Variants in ZNF521 observed in about 807,000 individuals in gnomAD.
ZNF521 encodes the protein zinc finger protein 521.
ZNF521 carries 14 observed loss-of-function variants against 105.5 expected under a neutral mutation model. The ratio of observed to expected loss-of-function variants is 0.13; its 90% CI spans 0.09 to 0.21. ZNF521 has a LOEUF of 0.21. Among genes scored for constraint, ZNF521 ranks in the 10% least tolerant of loss-of-function variants. ZNF521 has a pLI of 1.00. For synonymous variants in ZNF521, 635 were observed against 606.0 expected (o/e 1.05, Z -0.70); for missense variants, 1,233 against 1,629.7 (o/e 0.76, Z 4.19).
rs1348806657 is a variant in ZNF521, at chr18:25,225,502, T to A, written c.2416A>T (p.Ser806Cys). 1 of 1,614,254 alleles carries A rather than the reference T, an allele frequency of 6.2e-7. No individual in the cohort carries two copies. Among genetic ancestry groups the A allele is most frequent in the East Asian group, 2.2e-5 (1 of 44,882 alleles). The change falls in exon 4 of 8, where the codon AGT (serine) becomes TGT (cysteine). Residue 806 changes from serine (S) to cysteine (C), a missense_variant. Ser to Cys is a moderately radical substitution (Grantham distance 112, BLOSUM62 -1). This residue lies in a region of ZNF521 where 614 missense variants were observed against 751.5 expected (regional missense o/e 0.82). Transcript: ENST00000361524. This position sits in a 1 kb window ranked among gnomAD's most constrained non-coding sequence, Gnocchi z 5.6. ...CAGAACTTGCAGTTGTACTTCTTAC[T>A]GTGAGTGGTGATGTGGCATTGCAGC... ...VELQCHITTH[S>C]KKYNCKFCSK...
At chr18:25,276,921 G>A (rs1208161204) in intron 3 of ZNF521, among the ~76,000 whole-genome samples, 2 of 152,250 alleles carry the variant, frequency 1.3e-5, no homozygotes, top group South Asian at 2.1e-4. Flanking sequence ...AGTGGCTCAC[G>A]CCTATAATCC....
chr18:25,241,308 T>C (rs1262012950), intron 3 of ZNF521, among the ~76,000 whole-genome samples: 3 of 152,168 alleles, frequency 2.0e-5, no homozygotes, highest in East Asian at 1.9e-4. Flanking sequence ...CTGCCACTTA[T>C]CAGAATTGTA....
chr18:25,249,248 T>C (rs1312389947), intron 3 of ZNF521, among the ~76,000 whole-genome samples: 1 of 151,708 alleles, frequency 6.6e-6, no homozygotes, highest in African/African-American at 2.4e-5. Context: ...CTCCGCCTCC[T>C]GGGTTCATGC....
chr18:25,088,134 A>T (rs1422014876), intron 7 of ZNF521, among the ~76,000 whole-genome samples: 1 of 152,134 alleles, frequency 6.6e-6, no homozygotes, highest in African/African-American at 2.4e-5. Context: ...TCACTGTGAA[A>T]ATTAACTGCA....
chr18:25,166,699 C>T (rs2035348161), intron 5 of ZNF521, among the ~76,000 whole-genome samples: 1 of 152,122 alleles, frequency 6.6e-6, no homozygotes, highest in African/African-American at 2.4e-5. Context: ...CTAAATCATG[C>T]CACAAACATC....
In ZNF521 at chr18:25,206,303, C is replaced by A. The variant is rs530190339; in HGVS notation, c.3574-11059G>T. Among the ~76,000 whole-genome samples the A allele has an allele frequency of 1.7e-4, 26 of 152,208 alleles. No individual in the cohort carries two copies. In the East Asian group the frequency reaches 4.6e-3, roughly 27 times the overall value. On this transcript the variant is annotated intron_variant, in intron 4 of 7. Transcript: ENST00000361524. Reference sequence around the variant, plus strand: ...GATTACAGGTGTAAGCCAGAGCCACCGCGCCCGGCCCATTTTGTATCTACT... The same window carrying A: ...GATTACAGGTGTAAGCCAGAGCCACAGCGCCCGGCCCATTTTGTATCTACT...
intron 5 of ZNF521, among the ~76,000 whole-genome samples, chr18:25,106,961 T>C (rs2034085115): frequency 6.6e-6 from 1 of 152,110 alleles, no homozygotes; most frequent in South Asian, 2.1e-4. Flanking sequence ...ACTTACACTA[T>C]AGTGTACAGA....
intron 3 of ZNF521, among the ~76,000 whole-genome samples, chr18:25,255,937 T>C (rs932121242): frequency 6.7e-6 from 1 of 149,038 alleles, no homozygotes; most frequent in East Asian, 1.9e-4. Flanking sequence ...ATGTGGTGTA[T>C]ATATATGGCA....
At chr18:25,163,878 C>G (rs1208927872) in intron 5 of ZNF521, among the ~76,000 whole-genome samples, 1 of 152,098 alleles carries the variant, frequency 6.6e-6, no homozygotes, top group Non-Finnish European at 1.5e-5. Flanking sequence ...ACAGGGCCTG[C>G]TGGTTTGGGT....
chr18:25,321,559 T>C (rs1912935207), intron 3 of ZNF521, among the ~76,000 whole-genome samples: 1 of 152,182 alleles, frequency 6.6e-6, no homozygotes, highest in South Asian at 2.1e-4. Flanking sequence ...TGCTCAAGGA[T>C]AAGTATTGAA....
chr18:25,350,815 G>T, intron 2 of ZNF521, 92 bp downstream of exon 2: 1 of 1,411,614 alleles, frequency 7.1e-7, no homozygotes, highest in Non-Finnish European at 9.6e-7. Flanking sequence ...ACTCACGCGC[G>T]CACACGCCTC....
intron 6 of ZNF521, among the ~76,000 whole-genome samples, chr18:25,091,652 C>T (rs76799843): frequency 0.029 from 4,320 of 150,592 alleles, 122 homozygotes; most frequent in Admixed American, 0.089. Context: ...CCTTTAACAT[C>T]GAGAGAAAAA....
In ZNF521 at chr18:25,314,518, C is replaced by A. The variant is rs1388447239; in HGVS notation, c.220+7490G>T. ...AAATGGACATACTACTTTACACTGA[C>A]GAACAACATCCACTCATCAATTCAG... On this transcript the variant is annotated intron_variant, in intron 3 of 7. Transcript: ENST00000361524. Among the ~76,000 whole-genome samples, 4 of 152,098 alleles carry A rather than the reference C, an allele frequency of 2.6e-5. No individual in the cohort carries two copies. The East Asian group carries it at 5.8e-4, about 22-fold the overall frequency.
chr18:25,185,210 T>C (rs1249161195), intron 5 of ZNF521, among the ~76,000 whole-genome samples: 2 of 152,138 alleles, frequency 1.3e-5, no homozygotes, highest in African/African-American at 4.8e-5. Flanking sequence ...ATTTATAACA[T>C]CTATACAAAA....
At chr18:25,275,072 A>T (rs1872483102) in intron 3 of ZNF521, among the ~76,000 whole-genome samples, 1 of 152,164 alleles carries the variant, frequency 6.6e-6, no homozygotes, top group African/African-American at 2.4e-5. Context: ...CAACCTATAA[A>T]ATATTGCCAA....
chr18:25,174,958 C>A (rs1402528561), intron 5 of ZNF521, among the ~76,000 whole-genome samples: 1 of 152,156 alleles, frequency 6.6e-6, no homozygotes, highest in East Asian at 1.9e-4. Flanking sequence ...AAAATACTTA[C>A]CACATTAACA....
chr18:25,278,108 G>A (rs991530433), intron 3 of ZNF521, among the ~76,000 whole-genome samples: 7 of 152,160 alleles, frequency 4.6e-5, no homozygotes, highest in Admixed American at 6.6e-5. Context: ...AGAAAATGGT[G>A]CCACAGCAAA....
intron 4 of ZNF521, among the ~76,000 whole-genome samples, chr18:25,216,943 C>T (rs916978260): frequency 8.5e-5 from 13 of 152,068 alleles, no homozygotes; most frequent in Non-Finnish European, 1.5e-4. Context: ...ACCTGACAGA[C>T]GAGAAAGAGC....
At chr18:25,135,308 G>GTA (rs1041812788) in intron 5 of ZNF521, among the ~76,000 whole-genome samples, 1 of 151,614 alleles carries the variant, frequency 6.6e-6, no homozygotes, top group African/African-American at 2.4e-5. Context: ...GTGTGTGTGT[G>GTA]TGTATGTCTT....
Sources: gnomAD v4.1 joint callset for allele counts (sites outside exome capture counted in the v4.1 genomes callset) on GRCh38, gnomAD v4.1.1 for gene constraint, gnomAD v4.1.1 regional missense constraint, Gnocchi (gnomAD v3.1) non-coding constraint, MANE v1.5 for transcripts, NCBI Gene and HGNC (gene_info 2026-07-23, HGNC 2026-07-21) for gene names.